PRR16: variants seen among roughly 807,000 people sequenced by gnomAD.
PRR16 encodes the protein protein Largen.
A neutral mutation model predicts 18.2 loss-of-function variants in PRR16; 6 were observed. The ratio of observed to expected loss-of-function variants is 0.33; its 90% CI spans 0.18 to 0.65. The LOEUF (loss-of-function observed/expected upper bound fraction) is 0.65. PRR16 is among the 30% of genes least tolerant of loss of function. The pLI is 0.74. For synonymous variants in PRR16, 151 were observed against 147.8 expected (o/e 1.02, Z -0.16); for missense variants, 412 against 376.6 (o/e 1.09, Z -0.78).
chr5:120,513,267 C>T (rs932118353), intron 1 of PRR16, among the ~76,000 whole-genome samples: 1 of 152,136 alleles, frequency 6.6e-6, no homozygotes, highest in African/African-American at 2.4e-5. Context: ...CTGGTACTTG[C>T]GTTGATTCCA....
chr5:120,496,610 A>T (rs80142190), intron 1 of PRR16, among the ~76,000 whole-genome samples: 2,394 of 151,596 alleles, frequency 0.016, 38 homozygotes, highest in Non-Finnish European at 0.02. Flanking sequence ...TTCTTTGTCG[A>T]TCTTTTTCGA....
chr5:120,698,948 A>G, the PRR16 span, among the ~76,000 whole-genome samples: 1 of 152,168 alleles, frequency 6.6e-6, no homozygotes, highest in African/African-American at 2.4e-5. Context: ...GGGAAGGCTA[A>G]ACTGAGGAAT....
At chr5:120,731,297 A>T in the PRR16 span, among the ~76,000 whole-genome samples, 2 of 152,326 alleles carry the variant, frequency 1.3e-5, no homozygotes, top group Non-Finnish European at 2.9e-5. Context: ...AGAAATCTTC[A>T]TAGTTCTTCA....
intron 1 of PRR16, among the ~76,000 whole-genome samples, chr5:120,581,651 C>T (rs1480138004): frequency 6.6e-6 from 1 of 152,100 alleles, no homozygotes; most frequent in Non-Finnish European, 1.5e-5. Flanking sequence ...TTGATATGGG[C>T]ATTTAGTGCT....
At chr5:120,496,089 C>CT (rs1171358111) in intron 1 of PRR16, among the ~76,000 whole-genome samples, 1 of 151,886 alleles carries the variant, frequency 6.6e-6, no homozygotes, top group African/African-American at 2.4e-5. Flanking sequence ...TCTTCTTTAG[C>CT]TTTTTAATAT....
At chr5:120,488,834 G>T (rs140635225) in intron 1 of PRR16, among the ~76,000 whole-genome samples, 2,809 of 152,170 alleles carry the variant, frequency 0.018, 93 homozygotes, top group African/African-American at 0.063. Flanking sequence ...GTCTCCCAGA[G>T]ATTCTGGTGT....
At chr5:120,766,357 A>G in the PRR16 span, among the ~76,000 whole-genome samples, 2 of 151,888 alleles carry the variant, frequency 1.3e-5, no homozygotes, top group Non-Finnish European at 1.5e-5. Context: ...AATAAAGTTA[A>G]GCATTAAGAA....
intron 1 of PRR16, among the ~76,000 whole-genome samples, chr5:120,684,505 T>C (rs1757061732): frequency 6.6e-6 from 1 of 152,224 alleles, no homozygotes. Flanking sequence ...ATAAATGTGA[T>C]GGAAATGTGT....
the PRR16 span, among the ~76,000 whole-genome samples, chr5:120,697,059 C>G: frequency 1.3e-5 from 2 of 152,026 alleles, no homozygotes; most frequent in Non-Finnish European, 2.9e-5. Flanking sequence ...TTTATGTTGA[C>G]TTTTTTAAAA....
the PRR16 span, among the ~76,000 whole-genome samples, chr5:120,725,658 CAG>C: frequency 6.6e-6 from 1 of 151,922 alleles, no homozygotes; most frequent in African/African-American, 2.4e-5. Context: ...GCCTGAGTGA[CAG>C]AGGAAAAATA....
At chr5:120,790,316 C>T in the PRR16 span, 1 of 152,164 alleles carries the variant, frequency 6.6e-6, no homozygotes, top group African/African-American at 2.4e-5. Flanking sequence ...TGGAAATAAA[C>T]TGTTCCCAGA....
chr5:120,491,193 A>C (rs973990867), intron 1 of PRR16, among the ~76,000 whole-genome samples: 2 of 152,110 alleles, frequency 1.3e-5, no homozygotes, highest in Non-Finnish European at 2.9e-5. Flanking sequence ...AGACAGGGAC[A>C]TTTCTAGATT....
chr5:120,480,177 A>C (rs1022035910), intron 1 of PRR16, among the ~76,000 whole-genome samples: 3 of 152,196 alleles, frequency 2.0e-5, no homozygotes, highest in African/African-American at 7.2e-5. Context: ...CAGGAGGCTG[A>C]GACAGGAGAA....
chr5:120,788,379 G>A, the PRR16 span, among the ~76,000 whole-genome samples: 6 of 152,006 alleles, frequency 3.9e-5, no homozygotes, highest in Non-Finnish European at 7.4e-5. Context: ...ACTATAATTG[G>A]CACATTTAAT....
chr5:120,753,286 T>C, the PRR16 span, among the ~76,000 whole-genome samples: 1 of 152,016 alleles, frequency 6.6e-6, no homozygotes, highest in Non-Finnish European at 1.5e-5. Context: ...GAAAGTATAA[T>C]TTCAGCACAG....
At chr5:120,652,531 A>G (rs933061992) in intron 1 of PRR16, among the ~76,000 whole-genome samples, 6 of 152,092 alleles carry the variant, frequency 3.9e-5, no homozygotes, top group African/African-American at 1.4e-4. Flanking sequence ...TGATGTGTTA[A>G]GAATGGCGTT....
At chr5:120,749,874 T>C in the PRR16 span, among the ~76,000 whole-genome samples, 22 of 152,162 alleles carry the variant, frequency 1.4e-4, no homozygotes, top group African/African-American at 5.1e-4. Context: ...TGTTCTAATA[T>C]CGAATTTCAA....
At chr5:120,671,884 A>G (rs1354496844) in intron 1 of PRR16, among the ~76,000 whole-genome samples, 1 of 152,234 alleles carries the variant, frequency 6.6e-6, no homozygotes, top group African/African-American at 2.4e-5. Flanking sequence ...CAGATTTATT[A>G]CTTCAAAAGT....
At chr5:120,736,203 T>C in the PRR16 span, among the ~76,000 whole-genome samples, 1 of 152,342 alleles carries the variant, frequency 6.6e-6, no homozygotes, top group East Asian at 1.9e-4. Flanking sequence ...AGTACCACAA[T>C]GTTTTCTCGA....
Sources: allele counts gnomAD v4.1 joint callset (sites outside exome capture counted in the v4.1 genomes callset), GRCh38; gene constraint gnomAD v4.1.1; transcripts MANE v1.5; gene names NCBI Gene and HGNC (gene_info 2026-07-23, HGNC 2026-07-21).